The following CDH23 variants were observed in gnomAD, a reference collection of about 807,000 sequenced individuals.
CDH23 encodes cadherin related 23, also known as cadherin-23.
A neutral mutation model predicts 317.1 loss-of-function variants in CDH23; 189 were observed. The ratio of observed to expected loss-of-function variants is 0.60; its 90% CI spans 0.53 to 0.67. The LOEUF is 0.67. Ranked by LOEUF, CDH23 falls within the 30% of genes least tolerant of loss-of-function variation. The probability of loss-of-function intolerance (pLI) is 0.00; values close to 1 mark genes in which losing one functional copy is unlikely to be tolerated. For missense variants in CDH23, 4,401 were observed against 4,592.4 expected, an observed-to-expected ratio of 0.96 and a Z score of 1.20; for synonymous variants, 1,839 against 1,876.8, an observed-to-expected ratio of 0.98 and a Z score of 0.52.
chr10:71,434,781 G>A (rs1462915295), intron 1 of CDH23, among the ~76,000 whole-genome samples: 2 of 152,144 alleles, frequency 1.3e-5, no homozygotes, highest in Non-Finnish European at 1.5e-5. Flanking sequence ...CGGGTGAGGA[G>A]GGGGGAGACT....
chr10:71,646,773 G>A lies in CDH23; in HGVS notation c.1449+156G>A, dbSNP rs2132598311. 3.2e-6 allele frequency: 5 copies of A among 1,583,480 alleles called. No individual in the cohort carries two copies. In the East Asian group the frequency reaches 1.1e-4, roughly 36 times the overall value. On this transcript the variant is annotated intron_variant, in intron 14 of 69. Coordinates refer to ENST00000224721, the MANE Select transcript of CDH23 (RefSeq NM_022124.6). ...TGTTGGTGTATTAAATAAAGTTTTTGGACTCTTCAGGAAGGGGCTCCCTTG... is the reference window on the plus strand; with the variant it reads ...TGTTGGTGTATTAAATAAAGTTTTTAGACTCTTCAGGAAGGGGCTCCCTTG...
At chr10:71,631,275 C>T (rs556231790) in intron 11 of CDH23, among the ~76,000 whole-genome samples, 1 of 152,250 alleles carries the variant, frequency 6.6e-6, no homozygotes, top group South Asian at 2.1e-4. Context: ...AAAGCCACCG[C>T]TCTAGCTGGG....
chr10:71,636,676 C>A (rs1378490283), intron 11 of CDH23, among the ~76,000 whole-genome samples: 4 of 152,190 alleles, frequency 2.6e-5, no homozygotes, highest in Admixed American at 1.3e-4. Context: ...ACCTCAGGCC[C>A]ATGGTACTCA....
intron 48 of CDH23, chr10:71,795,714 C>A (rs71479416): frequency 4.6e-6 from 1 of 219,090 alleles, no homozygotes; most frequent in Non-Finnish European, 7.6e-6. Context: ...CTCCCTCCCT[C>A]CTCCCACCCC....
At chr10:71,524,565 C>G (rs1369286660) in intron 6 of CDH23, among the ~76,000 whole-genome samples, 3 of 152,146 alleles carry the variant, frequency 2.0e-5, no homozygotes. Context: ...CAGAGTAATG[C>G]CCCCTTGCCC....
At chr10:71,769,680 G>A (rs1840643149) in intron 38 of CDH23, among the ~76,000 whole-genome samples, 1 of 152,310 alleles carries the variant, frequency 6.6e-6, no homozygotes, top group Middle Eastern at 3.4e-3. Context: ...TTCCCATGAT[G>A]AGTGAACAGC....
intron 1 of CDH23, among the ~76,000 whole-genome samples, chr10:71,433,457 C>T (rs1240310813): frequency 2.0e-5 from 3 of 152,198 alleles, no homozygotes; most frequent in African/African-American, 7.2e-5. Flanking sequence ...CCAGTTGCCT[C>T]AGCTCAGGGG....
At chr10:71,625,381 C>T (rs1861668558) in intron 11 of CDH23, among the ~76,000 whole-genome samples, 1 of 84,340 alleles carries the variant, frequency 1.2e-5, no homozygotes, top group Non-Finnish European at 2.5e-5. Flanking sequence ...ATGGAGAAAA[C>T]ATCACCAAAT....
chr10:71,805,904 C>G lies in CDH23; in HGVS notation c.7971C>G (p.Gly2657=). 6.2e-7 allele frequency: 1 copy of G among 1,613,708 alleles called. No individual in the cohort carries two copies. Among genetic ancestry groups the G allele is most frequent in the Non-Finnish European group, 8.5e-7 (1 of 1,179,798 alleles). The stretch of plus-strand genomic sequence containing the variant: ...GCTACAGCTTCCTGAAGACTGCGGG[C>G]AACCGGGACTGGGAGTTCTTCATCA... ...AVRYSFLKTA[G]NRDWEFFIID... is the part of the protein sequence containing the mutation. Residue 2657 remains glycine, a synonymous_variant, in exon 56 of 70, where the codon GGC becomes GGG. Transcript: ENST00000224721.
chr10:71,425,943 G>T (rs1014646119), intron 1 of CDH23, among the ~76,000 whole-genome samples: 2 of 152,198 alleles, frequency 1.3e-5, no homozygotes, highest in African/African-American at 4.8e-5. Flanking sequence ...GGAAGGTTTT[G>T]GGGTGCAAGG....
At chr10:71,474,821 G>A (rs950753811) in intron 3 of CDH23, among the ~76,000 whole-genome samples, 5 of 152,204 alleles carry the variant, frequency 3.3e-5, no homozygotes, top group Admixed American at 6.5e-5. Flanking sequence ...CAAGAGCCCC[G>A]GCTAGCAGGC....
chr10:71,639,160 G>T (rs965120614), intron 11 of CDH23, among the ~76,000 whole-genome samples: 11 of 152,216 alleles, frequency 7.2e-5, no homozygotes, highest in Admixed American at 7.2e-4. Flanking sequence ...CGCGGTGGGC[G>T]CTATCAGCCT....
chr10:71,578,693 T>G (rs969490456), intron 9 of CDH23, among the ~76,000 whole-genome samples: 3 of 147,502 alleles, frequency 2.0e-5, no homozygotes, highest in African/African-American at 7.6e-5. Flanking sequence ...GACAGGCTGC[T>G]CGCCCACAGA....
Position 71,751,525 on chromosome 10 carries a change from G to A in CDH23, c.4845+9604G>A. ...GGAACTCTTCAGGGAGGTGAATGGG[G>A]GCCCCTCTGTCCCTCACCCTCAACC... On this transcript the variant is annotated intron_variant, in intron 38 of 69. Coordinates refer to ENST00000224721, the MANE Select transcript of CDH23 (RefSeq NM_022124.6). The surrounding 1 kb of genome is among the most constrained non-coding windows in gnomAD (Gnocchi z 4.9). 1.7e-6 allele frequency: 1 copy of A among 581,636 alleles called. No individual in the cohort carries two copies. Among genetic ancestry groups the A allele is most frequent in the Non-Finnish European group, 3.0e-6 (1 of 332,050 alleles). The allele number at this position is 581,636 out of a possible 1,614,324, so 36.0% of individuals were successfully genotyped here. A position where few individuals can be genotyped will look rare whatever the true frequency, so the allele number is the denominator to read the frequency against.
intron 3 of CDH23, among the ~76,000 whole-genome samples, chr10:71,509,637 A>G (rs1853840736): frequency 1.3e-5 from 2 of 152,162 alleles, no homozygotes. Flanking sequence ...TTTGGGTCAC[A>G]TGCTCATCCC....
intron 6 of CDH23, among the ~76,000 whole-genome samples, chr10:71,554,636 G>T (rs1003478225): frequency 8.5e-5 from 13 of 152,082 alleles, no homozygotes; most frequent in Non-Finnish European, 1.9e-4. Flanking sequence ...CTACAGGCTA[G>T]CTTTTTAGAC....
At chr10:71,794,928 T>C (rs1481529346) in intron 48 of CDH23, among the ~76,000 whole-genome samples, 2 of 152,026 alleles carry the variant, frequency 1.3e-5, no homozygotes, top group African/African-American at 2.4e-5. Context: ...AAGAGTAAAA[T>C]ATCATGGGTG....
chr10:71,767,562 A>C (rs1840580701), intron 38 of CDH23, among the ~76,000 whole-genome samples: 1 of 152,192 alleles, frequency 6.6e-6, no homozygotes, highest in Admixed American at 6.5e-5. Context: ...GATGGTCCAC[A>C]GGCTGGGGCT....
At chr10:71,535,167 A>G (rs1277021252) in intron 6 of CDH23, among the ~76,000 whole-genome samples, 1 of 152,254 alleles carries the variant, frequency 6.6e-6, no homozygotes, top group Non-Finnish European at 1.5e-5. Context: ...AGACAGCAGT[A>G]GGACTGAAGG....
Sources: gnomAD v4.1 joint callset for allele counts (sites outside exome capture counted in the v4.1 genomes callset) on GRCh38, gnomAD v4.1.1 for gene constraint, Gnocchi (gnomAD v3.1) non-coding constraint, MANE v1.5 for transcripts, NCBI Gene and HGNC (gene_info 2026-07-23, HGNC 2026-07-21) for gene names.